WASHC5: variants seen among roughly 807,000 people sequenced by gnomAD.
WASHC5 encodes WASH complex subunit 5, also known as WASH complex subunit strumpellin.
In WASHC5, 101 loss-of-function variants were observed where a neutral mutation model predicts 150.4. The observed-to-expected ratio is 0.67, with a 90% CI of 0.57 to 0.79. WASHC5 has a LOEUF of 0.79. Ranked by LOEUF, WASHC5 falls within the 30% of genes least tolerant of loss-of-function variation. WASHC5 has a pLI of 0.00. For missense variants in WASHC5, 1,195 were observed against 1,396.3 expected (o/e 0.86, Z 2.30); for synonymous variants, 467 against 491.2 (o/e 0.95, Z 0.65).
chr8:125,075,726 C>G (rs1402019772), intron 7 of WASHC5, among the ~76,000 whole-genome samples: 2 of 152,130 alleles, frequency 1.3e-5, no homozygotes, highest in African/African-American at 4.8e-5. Context: ...TTATGTGATT[C>G]AACAGCCGAT....
chr8:125,039,114 G>A (rs569929103), intron 24 of WASHC5, among the ~76,000 whole-genome samples, 155 bp from the exon 25 acceptor site: 1 of 152,156 alleles, frequency 6.6e-6, no homozygotes, highest in Non-Finnish European at 1.5e-5. Flanking sequence ...GCCTGTGATT[G>A]GTTTTAAGTG....
At chr8:125,055,816 C>A in intron 16 of WASHC5, 145 bp from the exon 17 acceptor site, 1 of 691,810 alleles carries the variant, frequency 1.4e-6, no homozygotes, top group Admixed American at 2.2e-5. Context: ...CAACTGAAAG[C>A]CCACTGTTAG....
intron 17 of WASHC5, among the ~76,000 whole-genome samples, chr8:125,052,287 C>T (rs574417396): frequency 3.3e-5 from 5 of 152,140 alleles, no homozygotes; most frequent in South Asian, 4.1e-4. Context: ...ATCTAAAGAT[C>T]GCATGCGGCT....
chr8:125,078,980 A>C (rs1252794189), intron 5 of WASHC5, 50 bp from the exon 6 acceptor site: 1 of 1,501,388 alleles, frequency 6.7e-7, no homozygotes, highest in Non-Finnish European at 9.3e-7. Flanking sequence ...CACATATTAG[A>C]AACTGAAAAG....
intron 17 of WASHC5, among the ~76,000 whole-genome samples, chr8:125,053,235 T>C (rs1816300968): frequency 6.6e-6 from 1 of 152,064 alleles, no homozygotes; most frequent in African/African-American, 2.4e-5. Context: ...CTCAACACTC[T>C]GAGGTTAAAG....
chr8:125,051,170 C>A (rs1208212162), intron 17 of WASHC5, among the ~76,000 whole-genome samples: 1 of 152,186 alleles, frequency 6.6e-6, no homozygotes, highest in Non-Finnish European at 1.5e-5. Flanking sequence ...TTTCTTTCAG[C>A]ATTCTTGGAA....
At position 125,067,528 on chromosome 8, in the gene WASHC5, T is replaced by C. The variant is rs534513021; in HGVS notation, c.1278+64A>G. The C allele has an allele frequency of 1.6e-4, 226 of 1,395,314 alleles. No homozygotes were observed. In the South Asian group the frequency reaches 2.0e-3, roughly 12 times the overall value. The allele number at this position is 1,395,314 out of a possible 1,614,324, so 86.4% of individuals were successfully genotyped here. On this transcript the variant is annotated intron_variant, in intron 10 of 28. Coordinates refer to ENST00000318410, the MANE Select transcript of WASHC5 (RefSeq NM_014846.4). ...AGAGCAAGCAATCCTAGTCTTTTTT[T>C]TAAAAAATATTTTTAAGCATAAAAA...
chr8:125,068,251 C>A (rs1816805011), intron 9 of WASHC5, among the ~76,000 whole-genome samples: 1 of 152,162 alleles, frequency 6.6e-6, no homozygotes, highest in Non-Finnish European at 1.5e-5. Context: ...GCTCACTAAG[C>A]CTTAAATGAT....
intron 1 of WASHC5, among the ~76,000 whole-genome samples, chr8:125,085,283 T>C (rs1283308126): frequency 1.3e-5 from 2 of 152,216 alleles, no homozygotes; most frequent in African/African-American, 4.8e-5. Context: ...TACTGGGTGA[T>C]CTTTAGTAAA....
At position 125,082,374 on chromosome 8, in the gene WASHC5, ATTAC is replaced by A. The variant is rs1563636545; in HGVS notation, c.417+5_417+8del. 1 of 1,424,002 alleles carries A rather than the reference ATTAC, an allele frequency of 7.0e-7. No individual in the cohort carries two copies. The highest frequency in any genetic ancestry group is 9.9e-7 in the Non-Finnish European group (1 of 1,008,126). 88.2% of individuals were successfully genotyped at this position (1,424,002 alleles called of 1,614,324 possible). On this transcript the variant is annotated splice_donor_5th_base_variant and intron_variant, in intron 4 of 28. Coordinates refer to ENST00000318410, the MANE Select transcript of WASHC5 (RefSeq NM_014846.4). ...TTGAATTTCATTTTAAATAATCATT[ATTAC>A]TTACTAGAAGTTGTTTTCCATCTTC... is the stretch of plus-strand genomic sequence containing the variant.
chr8:125,067,823 T>C (rs1816793380), intron 9 of WASHC5, 104 bp from the exon 10 acceptor site: 2 of 1,242,508 alleles, frequency 1.6e-6, no homozygotes, highest in African/African-American at 1.5e-5. Context: ...ATTTAAAAAG[T>C]AATAAGCAAA....
chr8:125,074,904 T>C, intron 8 of WASHC5, 94 bp downstream of exon 8: 1 of 799,144 alleles, frequency 1.3e-6, no homozygotes. Flanking sequence ...TAAGTGATTA[T>C]CTTCCAAATT....
At chr8:125,079,139 T>TAC (rs1554597100) in intron 5 of WASHC5, among the ~76,000 whole-genome samples, 11 of 129,570 alleles carry the variant, frequency 8.5e-5, no homozygotes, top group South Asian at 2.4e-4. Flanking sequence ...TATATATATA[T>TAC]ACATTTTTTT....
chr8:125,036,831 GA>G (rs1815722000), intron 26 of WASHC5, among the ~76,000 whole-genome samples: 1 of 152,016 alleles, frequency 6.6e-6, no homozygotes, highest in Non-Finnish European at 1.5e-5. Context: ...TTAACATGGT[GA>G]AAACTCTGTC....
rs536961569 is a variant in WASHC5 at position 125,074,756 on chromosome 8, C to T, written c.978+242G>A. Among the ~76,000 whole-genome samples the T allele has an allele frequency of 5.3e-5, 8 of 152,278 alleles. No individual in the cohort carries two copies. The South Asian group carries it at 8.3e-4, about 16-fold the overall frequency. Reference sequence around the variant, plus strand: ...TAAGTCATTTGGGGCATATGCCATGCTTCTTTGTCTTAGGGTACTGACTCT... The same window carrying T: ...TAAGTCATTTGGGGCATATGCCATGTTTCTTTGTCTTAGGGTACTGACTCT... On this transcript the variant is annotated intron_variant, in intron 8 of 28. Transcript: ENST00000318410.
At position 125,039,909 on chromosome 8, in the gene WASHC5, G is replaced by C. The variant is rs1438208969; in HGVS notation, c.2851-11C>G. On this transcript the variant is annotated splice_polypyrimidine_tract_variant and intron_variant, in intron 23 of 28. Transcript: ENST00000318410. Reference sequence around the variant, plus strand: ...CTGCATCTGCCCAACCTGTGCACAAGCAAGAGAAAGAACAGGTAGTGCATT... The same window carrying C: ...CTGCATCTGCCCAACCTGTGCACAACCAAGAGAAAGAACAGGTAGTGCATT... The C allele has an allele frequency of 1.9e-6, 3 of 1,579,662 alleles. No homozygotes were observed. The East Asian group carries it at 6.7e-5, about 35-fold the overall frequency.
At chr8:125,044,469 C>T in intron 21 of WASHC5, 67 bp downstream of exon 21, 1 of 1,554,040 alleles carries the variant, frequency 6.4e-7, no homozygotes, top group East Asian at 2.2e-5. Flanking sequence ...TCAAACTGCC[C>T]ACTAAAATAT....
chr8:125,068,974 AAG>A (rs1003010094), intron 9 of WASHC5, among the ~76,000 whole-genome samples: 4 of 152,282 alleles, frequency 2.6e-5, no homozygotes, highest in Non-Finnish European at 4.4e-5. Flanking sequence ...AAGAAAGAGT[AAG>A]TAGAATAAGG....
Position 125,050,546 on chromosome 8 carries a change from A to T in WASHC5, c.2199+18T>A, listed in dbSNP as rs1816208326. 1 of 1,589,764 alleles carries T rather than the reference A, an allele frequency of 6.3e-7. No individual in the cohort carries two copies. The highest frequency in any genetic ancestry group is 1.1e-5 in the South Asian group (1 of 90,646). On this transcript the variant is annotated intron_variant, in intron 18 of 28. Transcript: ENST00000318410. ...GCTGGGCGGAGAAGAGGACAGGCCC[A>T]CTCTGGTCACTGGGTACCTTGGCTC...
Sources: allele counts gnomAD v4.1 joint callset (sites outside exome capture counted in the v4.1 genomes callset), GRCh38; gene constraint gnomAD v4.1.1; transcripts MANE v1.5; gene names NCBI Gene and HGNC (gene_info 2026-07-23, HGNC 2026-07-21).